Variants in KCNMB2 observed in about 807,000 individuals in gnomAD.
KCNMB2 encodes the protein potassium calcium-activated channel subfamily M regulatory beta subunit 2.
Under a neutral mutation model 24.5 loss-of-function variants are expected in KCNMB2, and 9 were observed. The observed-to-expected ratio is 0.37, with a 90% CI of 0.22 to 0.64. The LOEUF is 0.64. Ranked by LOEUF, KCNMB2 falls within the 30% of genes least tolerant of loss-of-function variation. The pLI, the probability that KCNMB2 is intolerant of heterozygous loss-of-function variation, is 0.63. For synonymous variants in KCNMB2, 109 were observed against 104.4 expected, an observed-to-expected ratio of 1.04 and a Z score of -0.27; for missense variants, 226 against 284.3, an observed-to-expected ratio of 0.79 and a Z score of 1.47.
chr3:178,599,877 C>T (rs1718017328), intron 1 of KCNMB2, among the ~76,000 whole-genome samples: 1 of 152,058 alleles, frequency 6.6e-6, no homozygotes, highest in Non-Finnish European at 1.5e-5. Context: ...CTTTTGGTGA[C>T]TAGCCTTTTT....
chr3:178,792,469 C>G (rs926425567), intron 1 of KCNMB2, among the ~76,000 whole-genome samples: 9 of 151,782 alleles, frequency 5.9e-5, no homozygotes, highest in Admixed American at 2.6e-4. Flanking sequence ...AAAAAATTAC[C>G]TTCACAAAAA....
chr3:178,546,739 T>C (rs1380029593), intron 1 of KCNMB2, among the ~76,000 whole-genome samples: 1 of 152,208 alleles, frequency 6.6e-6, no homozygotes, highest in East Asian at 1.9e-4. Context: ...TTGCTCATCA[T>C]TCTAAGAGGA....
At chr3:178,788,142 A>G (rs1713182075) in intron 1 of KCNMB2, among the ~76,000 whole-genome samples, 1 of 152,184 alleles carries the variant, frequency 6.6e-6, no homozygotes, top group Non-Finnish European at 1.5e-5. Context: ...GGTGGTTTCA[A>G]CATAAATCTG....
intron 1 of KCNMB2, among the ~76,000 whole-genome samples, chr3:178,750,391 A>G (rs191533811): frequency 6.6e-6 from 1 of 152,162 alleles, no homozygotes; most frequent in Non-Finnish European, 1.5e-5. Context: ...ACAAAAAAAA[A>G]CAAAAACAAA....
chr3:178,611,440 C>T (rs1438607904), intron 1 of KCNMB2, among the ~76,000 whole-genome samples: 2 of 152,158 alleles, frequency 1.3e-5, no homozygotes, highest in African/African-American at 2.4e-5. Flanking sequence ...TGCAGTGGCT[C>T]ACGCCTGTAA....
intron 1 of KCNMB2, among the ~76,000 whole-genome samples, chr3:178,616,620 A>G (rs1718715097): frequency 6.6e-6 from 1 of 152,112 alleles, no homozygotes; most frequent in Non-Finnish European, 1.5e-5. Flanking sequence ...CAAAGTTAAA[A>G]CCAGGTACTA....
intron 1 of KCNMB2, among the ~76,000 whole-genome samples, chr3:178,625,922 A>G (rs934123999): frequency 2.0e-5 from 3 of 152,212 alleles, no homozygotes; most frequent in South Asian, 2.1e-4. Flanking sequence ...TGATCTTGCC[A>G]TAAGTATTAG....
intron 1 of KCNMB2, among the ~76,000 whole-genome samples, chr3:178,707,389 A>C (rs1722312810): frequency 6.6e-6 from 1 of 152,118 alleles, no homozygotes; most frequent in Non-Finnish European, 1.5e-5. Flanking sequence ...ACTTGGAAAA[A>C]TCAGAAGTTT....
chr3:178,763,029 G>A lies in KCNMB2; in HGVS notation c.-67-44314G>A, dbSNP rs150771446. ...TTGGGAGTCTTGGAAGTCACTTAGCGATAGATGATAATTAAAGGCATGGAA... is the reference window on the plus strand; with the variant it reads ...TTGGGAGTCTTGGAAGTCACTTAGCAATAGATGATAATTAAAGGCATGGAA... On this transcript the variant is annotated intron_variant, in intron 1 of 4. Coordinates refer to ENST00000452583, the MANE Select transcript of KCNMB2 (RefSeq NM_181361.3). Among the ~76,000 whole-genome samples the A allele has an allele frequency of 5.4e-4, 82 of 152,162 alleles. 1 individual carries two copies. Among genetic ancestry groups the A allele is most frequent in the African/African-American group, 1.9e-3 (78 of 41,518 alleles).
intron 1 of KCNMB2, among the ~76,000 whole-genome samples, chr3:178,784,874 T>TAAAAAAAAAAAAAAA (rs67483966): frequency 8.2e-6 from 1 of 121,392 alleles, no homozygotes; most frequent in Non-Finnish European, 1.7e-5. Flanking sequence ...CCTGAAGCCT[T>TAAAAAAAAAAAAAAA]AAAAAAAAAA....
intron 1 of KCNMB2, among the ~76,000 whole-genome samples, chr3:178,675,783 T>A (rs1397050767): frequency 6.6e-6 from 1 of 152,124 alleles, no homozygotes; most frequent in Non-Finnish European, 1.5e-5. Flanking sequence ...GTATCTAAAA[T>A]GCTAGAGCCG....
rs151295195 is a variant in KCNMB2 at position 178,580,553 on chromosome 3, A to G, written c.-68+43842A>G. Among the ~76,000 whole-genome samples the G allele has an allele frequency of 2.1e-3, 316 of 152,312 alleles. 2 individuals carry two copies. The highest frequency in any genetic ancestry group is 6.0e-4 in the Non-Finnish European group (41 of 68,028). ...AAGAGAAAGAAATAAAAGGTATTCA[A>G]ATAGGAAGAGAGGAAGTCAAATTGT... On this transcript the variant is annotated intron_variant, in intron 1 of 4. Transcript: ENST00000452583.
At chr3:178,810,860 A>G (rs973309144) in intron 2 of KCNMB2, among the ~76,000 whole-genome samples, 67 of 149,854 alleles carry the variant, frequency 4.5e-4, no homozygotes, top group Non-Finnish European at 8.6e-4. Flanking sequence ...TCAGCCTCCC[A>G]AGTAGCTGGG....
At chr3:178,588,375 C>A (rs1717536895) in intron 1 of KCNMB2, among the ~76,000 whole-genome samples, 1 of 152,042 alleles carries the variant, frequency 6.6e-6, no homozygotes, top group African/African-American at 2.4e-5. Flanking sequence ...GAACTTTAAG[C>A]AGGGAGATGG....
At chr3:178,547,106 G>C (rs1715799139) in intron 1 of KCNMB2, among the ~76,000 whole-genome samples, 1 of 152,176 alleles carries the variant, frequency 6.6e-6, no homozygotes, top group Non-Finnish European at 1.5e-5. Flanking sequence ...ATTTTCGCTG[G>C]AGTGGGTTAG....
At chr3:178,634,755 G>A (rs1256550483) in intron 1 of KCNMB2, among the ~76,000 whole-genome samples, 2 of 152,298 alleles carry the variant, frequency 1.3e-5, no homozygotes, top group East Asian at 1.9e-4. Flanking sequence ...AGATCTCAGG[G>A]AGAAATATTT....
At chr3:178,552,783 C>T (rs1379502077) in intron 1 of KCNMB2, among the ~76,000 whole-genome samples, 3 of 152,064 alleles carry the variant, frequency 2.0e-5, no homozygotes, top group Non-Finnish European at 4.4e-5. Context: ...AATTAGTATT[C>T]AAAAGCAATG....
In KCNMB2 at chr3:178,844,376, T is replaced by C. The variant is rs1715531470; in HGVS notation, c.*1439T>C. On this transcript the variant is annotated 3_prime_UTR_variant, in exon 5 of 5. Coordinates refer to ENST00000452583, the MANE Select transcript of KCNMB2 (RefSeq NM_181361.3). ...GACTTTTCATAAGCAAATAAATCCC[T>C]AGGATGTAATCAGGACTTCAAATGT... The C allele has an allele frequency of 6.6e-6, 1 of 152,418 alleles. No homozygotes were observed. Among genetic ancestry groups the C allele is most frequent in the Non-Finnish European group, 1.5e-5 (1 of 67,922 alleles). The allele number at this position is 152,418 out of a possible 1,614,324, so 9.4% of individuals were successfully genotyped here.
Position 178,726,886 on chromosome 3 carries a change from G to C in KCNMB2, c.-67-80457G>C, listed in dbSNP as rs187773574. 4.0e-3 allele frequency among the ~76,000 whole-genome samples: 607 copies of C among 152,074 alleles called. 5 individuals carry two copies. Among genetic ancestry groups the C allele is most frequent in the African/African-American group, 0.014 (584 of 41,534 alleles). ...TCTTTCTCCCATAATTTATTGAAAA[G>C]ATATATTGTCTCTTTCATTACAGTT... On this transcript the variant is annotated intron_variant, in intron 1 of 4. Coordinates refer to ENST00000452583, the MANE Select transcript of KCNMB2 (RefSeq NM_181361.3).
Sources: gnomAD v4.1 joint callset for allele counts (sites outside exome capture counted in the v4.1 genomes callset) on GRCh38, gnomAD v4.1.1 for gene constraint, MANE v1.5 for transcripts, NCBI Gene and HGNC (gene_info 2026-07-23, HGNC 2026-07-21) for gene names.